CHN2: variants seen among roughly 807,000 people sequenced by gnomAD.
CHN2 encodes the protein chimerin 2.
CHN2 carries 35 observed loss-of-function variants against 56.3 expected under a neutral mutation model. The ratio of observed to expected loss-of-function variants is 0.62; its 90% CI spans 0.47 to 0.82. The LOEUF (loss-of-function observed/expected upper bound fraction) is 0.82. Among genes scored for constraint, CHN2 ranks in the 40% least tolerant of loss-of-function variants. The probability of loss-of-function intolerance (pLI) is 0.00; values close to 1 mark genes in which losing one functional copy is unlikely to be tolerated. For synonymous variants in CHN2, 210 were observed against 212.8 expected (o/e 0.99, Z 0.12); for missense variants, 491 against 580.5 (o/e 0.85, Z 1.58).
chr7:29,210,185 C>T (rs1784808848), intron 1 of CHN2, among the ~76,000 whole-genome samples: 1 of 152,186 alleles, frequency 6.6e-6, no homozygotes, highest in Non-Finnish European at 1.5e-5. Context: ...GTGTGTAAAT[C>T]AGTTACACTC....
At chr7:29,282,121 A>G (rs2128860824) in intron 1 of CHN2, among the ~76,000 whole-genome samples, 1 of 152,332 alleles carries the variant, frequency 6.6e-6, no homozygotes, top group East Asian at 1.9e-4. Flanking sequence ...ATTTGTCCAT[A>G]CAAGCTGTGT....
At chr7:29,505,818 G>T (rs1383984428) in intron 10 of CHN2, among the ~76,000 whole-genome samples, 2 of 152,196 alleles carry the variant, frequency 1.3e-5, no homozygotes, top group Non-Finnish European at 2.9e-5. Flanking sequence ...AGAACTGTTG[G>T]TTGGCAGAGA....
chr7:29,399,233 G>T (rs1280627852), intron 5 of CHN2, among the ~76,000 whole-genome samples: 1 of 152,156 alleles, frequency 6.6e-6, no homozygotes, highest in Non-Finnish European at 1.5e-5. Flanking sequence ...CTAGCTGGCC[G>T]AGGCTGCAGC....
At chr7:29,334,647 T>A (rs1796478285) in intron 1 of CHN2, 1 of 152,276 alleles carries the variant, frequency 6.6e-6, no homozygotes, top group Non-Finnish European at 1.5e-5. Flanking sequence ...TTCTAGCTAC[T>A]CAGGCGGCTG....
intron 1 of CHN2, among the ~76,000 whole-genome samples, chr7:29,302,533 G>T (rs1338190951): frequency 5.1e-5 from 7 of 137,086 alleles, no homozygotes; most frequent in African/African-American, 2.1e-4. Flanking sequence ...AAGAGATAGG[G>T]TCTCACTATA....
At chr7:29,222,578 G>A (rs1325371027) in intron 1 of CHN2, among the ~76,000 whole-genome samples, 1 of 152,060 alleles carries the variant, frequency 6.6e-6, no homozygotes, top group Non-Finnish European at 1.5e-5. Context: ...CCTTCACCGT[G>A]AAAACTGCAA....
At chr7:29,255,514 G>A (rs752998891) in intron 1 of CHN2, among the ~76,000 whole-genome samples, 1 of 152,066 alleles carries the variant, frequency 6.6e-6, no homozygotes, top group Non-Finnish European at 1.5e-5. Flanking sequence ...AAAAAAATAT[G>A]TATATATATA....
chr7:29,445,775 A>T (rs1188607881), intron 6 of CHN2, among the ~76,000 whole-genome samples: 1 of 152,038 alleles, frequency 6.6e-6, no homozygotes, highest in Admixed American at 6.5e-5. Flanking sequence ...AGTAAATTTG[A>T]TGAAATTCTA....
chr7:29,438,380 T>C (rs180982096), intron 6 of CHN2, among the ~76,000 whole-genome samples: 82 of 152,370 alleles, frequency 5.4e-4, no homozygotes, highest in African/African-American at 1.9e-3. Flanking sequence ...AGCAATTTGT[T>C]CTGAACATAT....
chr7:29,447,571 C>G (rs895665463), intron 6 of CHN2, among the ~76,000 whole-genome samples: 1 of 152,046 alleles, frequency 6.6e-6, no homozygotes, highest in Non-Finnish European at 1.5e-5. Context: ...AAGCTGTAAA[C>G]CCAGAGATCC....
chr7:29,375,457 A>G lies in CHN2; in HGVS notation c.144+7470A>G, dbSNP rs187887882. On this transcript the variant is annotated intron_variant, in intron 3 of 12. Transcript: ENST00000222792. ...GTGATCCACCCGCCTCGGCCTCCCA[A>G]AGTGCTGGGATTACGGGCGTGAGCC... Among the ~76,000 whole-genome samples, 41 of 152,154 alleles carry G rather than the reference A, an allele frequency of 2.7e-4. No homozygotes were observed. In the East Asian group the frequency reaches 4.3e-3, roughly 16 times the overall value.
intron 1 of CHN2, among the ~76,000 whole-genome samples, chr7:29,240,728 G>T (rs992394730): frequency 6.6e-6 from 1 of 151,114 alleles, no homozygotes; most frequent in Non-Finnish European, 1.5e-5. Flanking sequence ...GGTGGGGAGT[G>T]GGAGGGCTGT....
At position 29,511,516 on chromosome 7, in the gene CHN2, A is replaced by AC. The variant is rs1791393315; in HGVS notation, c.1236-1048_1236-1047insC. ...TGCCAGCCATCTTGTTTAGTCAGGC[A>AC]TAGTGCCTGACTTAAGAGGAAACTG... is the stretch of plus-strand genomic sequence containing the variant. On this transcript the variant is annotated intron_variant, in intron 12 of 12. Coordinates refer to ENST00000222792, the MANE Select transcript of CHN2 (RefSeq NM_004067.4). Among the ~76,000 whole-genome samples the AC allele has an allele frequency of 5.3e-5, 8 of 152,302 alleles. 1 individual carries two copies. The South Asian group carries it at 1.7e-3, about 32-fold the overall frequency.
chr7:29,433,259 T>A (rs753644793), intron 6 of CHN2, among the ~76,000 whole-genome samples: 3 of 152,050 alleles, frequency 2.0e-5, no homozygotes, highest in Non-Finnish European at 2.9e-5. Context: ...TGTGATAAGG[T>A]CCGGAAACCC....
chr7:29,451,291 A>G (rs529273221), intron 6 of CHN2, among the ~76,000 whole-genome samples: 1 of 152,194 alleles, frequency 6.6e-6, no homozygotes, highest in African/African-American at 2.4e-5. Flanking sequence ...TACATAAATG[A>G]TATCAAGGCA....
At chr7:29,335,663 A>G (rs774155121) in intron 1 of CHN2, 1 of 152,270 alleles carries the variant, frequency 6.6e-6, no homozygotes, top group African/African-American at 2.4e-5. Context: ...CTGGCGAGGA[A>G]GGAGACTTAC....
At chr7:29,375,349 C>T (rs1358408602) in intron 3 of CHN2, among the ~76,000 whole-genome samples, 1 of 151,514 alleles carries the variant, frequency 6.6e-6, no homozygotes, top group Non-Finnish European at 1.5e-5. Context: ...CAGGTGCCCA[C>T]CACGCCCAGC....
chr7:29,283,150 G>A (rs1791857242), intron 1 of CHN2, among the ~76,000 whole-genome samples: 1 of 152,166 alleles, frequency 6.6e-6, no homozygotes, highest in South Asian at 2.1e-4. Flanking sequence ...TGGGAATACC[G>A]TGTATTCCTG....
chr7:29,340,270 A>C (rs1463396813), intron 1 of CHN2, among the ~76,000 whole-genome samples: 1 of 152,120 alleles, frequency 6.6e-6, no homozygotes, highest in East Asian at 1.9e-4. Flanking sequence ...ATATATGCCT[A>C]TTTGAATTAA....
Sources: allele counts gnomAD v4.1 joint callset (sites outside exome capture counted in the v4.1 genomes callset), GRCh38; gene constraint gnomAD v4.1.1; transcripts MANE v1.5; gene names NCBI Gene and HGNC (gene_info 2026-07-23, HGNC 2026-07-21).